The following SNTG2 variants were observed in gnomAD, a reference collection of about 807,000 sequenced individuals.
SNTG2 encodes the protein gamma-2-syntrophin.
A neutral mutation model predicts 70.9 loss-of-function variants in SNTG2; 74 were observed. The observed-to-expected ratio is 1.04, with a 90% CI of 0.86 to 1.27. The LOEUF (loss-of-function observed/expected upper bound fraction) is 1.27, where lower values mean the gene tolerates loss of function less well. Ranked by LOEUF, SNTG2 falls within the 50% of genes most tolerant of loss-of-function variation. The pLI is 0.00. For synonymous variants in SNTG2, 278 were observed against 273.8 expected (o/e 1.02, Z -0.15); for missense variants, 717 against 690.7 (o/e 1.04, Z -0.43).
chr2:1,089,634 CAAAATAAT>C (rs770270213), intron 2 of SNTG2, among the ~76,000 whole-genome samples: 3 of 151,562 alleles, frequency 2.0e-5, no homozygotes, highest in African/African-American at 4.9e-5. Flanking sequence ...AACTCCGTCT[CAAAATAAT>C]AATAATAATA....
Position 1,316,359 on chromosome 2 carries a change from A to G in SNTG2, c.1472A>G (p.Lys491Arg), listed in dbSNP as rs1681278380. ...CTGCTGTTTCAGAATCTGGACACCA[A>G]ACAGATTGAGACGAAGGTATGCGGC... ...VKLLFQNLDT[K>R]QIETKELEFQ... is the part of the protein sequence containing the mutation. The change falls in exon 16 of 17, where the codon AAA (lysine) becomes AGA (arginine). Residue 491 changes from lysine (K) to arginine (R), a missense_variant. Transcript: ENST00000308624. 1 of 1,536,278 alleles carries G rather than the reference A, an allele frequency of 6.5e-7. No individual in the cohort carries two copies. The highest frequency in any genetic ancestry group is 2.4e-5 in the East Asian group (1 of 40,856).
chr2:1,043,041 T>C (rs182441905), intron 1 of SNTG2, among the ~76,000 whole-genome samples: 96 of 152,362 alleles, frequency 6.3e-4, no homozygotes, highest in African/African-American at 2.2e-3. Flanking sequence ...TGTTGTTTTA[T>C]AACTTTTTAA....
intron 1 of SNTG2, among the ~76,000 whole-genome samples, chr2:1,063,956 A>C (rs1277816117): frequency 1.3e-5 from 2 of 152,234 alleles, no homozygotes; most frequent in Non-Finnish European, 2.9e-5. Context: ...CAAATAGCAT[A>C]AAATTAAAAC....
intron 4 of SNTG2, among the ~76,000 whole-genome samples, chr2:1,110,713 C>A (rs1666387347): frequency 6.6e-6 from 1 of 152,216 alleles, no homozygotes; most frequent in South Asian, 2.1e-4. Context: ...TTCATCATGT[C>A]TGCTGTGCTG....
At chr2:1,290,393 C>A (rs1438885703) in intron 14 of SNTG2, among the ~76,000 whole-genome samples, 1 of 151,554 alleles carries the variant, frequency 6.6e-6, no homozygotes, top group Non-Finnish European at 1.5e-5. Flanking sequence ...TGGCTTACTG[C>A]AACCTCCGGC....
chr2:1,313,458 A>G (rs1681111115), intron 15 of SNTG2, among the ~76,000 whole-genome samples: 1 of 152,236 alleles, frequency 6.6e-6, no homozygotes, highest in South Asian at 2.1e-4. Flanking sequence ...AGTGGAGCAC[A>G]TGCCACATTC....
chr2:1,318,138 A>AT (rs1216272566), intron 16 of SNTG2, among the ~76,000 whole-genome samples: 1 of 152,190 alleles, frequency 6.6e-6, no homozygotes, highest in Non-Finnish European at 1.5e-5. Flanking sequence ...CTTTTACCAT[A>AT]TTTTATGTAT....
intron 12 of SNTG2, among the ~76,000 whole-genome samples, chr2:1,248,432 C>CT (rs1382538517): frequency 2.0e-5 from 3 of 152,178 alleles, no homozygotes; most frequent in African/African-American, 7.2e-5. Context: ...TACTAATGCA[C>CT]TTTTTCTGCC....
chr2:1,325,978 C>T (rs1681741568), intron 16 of SNTG2, among the ~76,000 whole-genome samples: 1 of 151,980 alleles, frequency 6.6e-6, no homozygotes, highest in African/African-American at 2.4e-5. Flanking sequence ...GGATTACAGG[C>T]ACCTGTGACC....
intron 11 of SNTG2, chr2:1,242,849 TA>T (rs1677139449): frequency 6.6e-6 from 1 of 152,098 alleles, no homozygotes; most frequent in Non-Finnish European, 1.5e-5. Context: ...TCAGAAAAGA[TA>T]AAAAATATAT....
chr2:1,036,932 C>G (rs1327289684), intron 1 of SNTG2, among the ~76,000 whole-genome samples: 2 of 152,224 alleles, frequency 1.3e-5, no homozygotes, highest in African/African-American at 2.4e-5. Flanking sequence ...ATGTGAGAGA[C>G]TCAGGAGCCT....
At chr2:1,052,370 T>A (rs1662124260) in intron 1 of SNTG2, among the ~76,000 whole-genome samples, 1 of 152,222 alleles carries the variant, frequency 6.6e-6, no homozygotes, top group Admixed American at 6.5e-5. Flanking sequence ...AGTTCATCCT[T>A]TGTACACAAA....
chr2:1,213,289 A>G (rs1054687640), intron 9 of SNTG2, among the ~76,000 whole-genome samples: 3 of 152,196 alleles, frequency 2.0e-5, no homozygotes, highest in African/African-American at 4.8e-5. Flanking sequence ...CTCACTTAAC[A>G]TCATTGATTG....
chr2:1,034,952 C>T (rs1661051026), intron 1 of SNTG2, among the ~76,000 whole-genome samples: 1 of 152,112 alleles, frequency 6.6e-6, no homozygotes, highest in South Asian at 2.1e-4. Context: ...TAAAATAGAC[C>T]ACACAGTAGG....
intron 6 of SNTG2, among the ~76,000 whole-genome samples, chr2:1,163,069 G>A (rs1042630814): frequency 6.6e-6 from 1 of 152,200 alleles, no homozygotes; most frequent in African/African-American, 2.4e-5. Flanking sequence ...CAGGAAGTGG[G>A]CATGTGAAGC....
intron 4 of SNTG2, among the ~76,000 whole-genome samples, chr2:1,118,255 C>T (rs1331594611): frequency 2.0e-5 from 3 of 152,082 alleles, no homozygotes; most frequent in Non-Finnish European, 4.4e-5. Context: ...GTGTCAGACC[C>T]TGCGCTGAGA....
intron 6 of SNTG2, among the ~76,000 whole-genome samples, chr2:1,148,904 T>C (rs1325548407): frequency 6.6e-6 from 1 of 151,900 alleles, no homozygotes; most frequent in East Asian, 1.9e-4. Context: ...GCCTGGCAGG[T>C]ACACCCTCTG....
chr2:960,799 C>T (rs1660323197), intron 1 of SNTG2, among the ~76,000 whole-genome samples: 1 of 151,276 alleles, frequency 6.6e-6, no homozygotes, highest in South Asian at 2.1e-4. Flanking sequence ...AGGGGGTGCT[C>T]CTAATGCCTG....
At chr2:1,267,690 T>C (rs978383552) in intron 14 of SNTG2, 119 bp downstream of exon 14, 6 of 916,708 alleles carry the variant, frequency 6.5e-6, no homozygotes, top group Non-Finnish European at 1.0e-5. Context: ...GTGAGAATCT[T>C]TCACCGGAGC....
Sources: allele counts gnomAD v4.1 joint callset (sites outside exome capture counted in the v4.1 genomes callset), GRCh38; gene constraint gnomAD v4.1.1; transcripts MANE v1.5; gene names NCBI Gene and HGNC (gene_info 2026-07-23, HGNC 2026-07-21).